Variants in ACACB observed in about 807,000 individuals in gnomAD.
ACACB encodes acetyl-CoA carboxylase beta, also known as acetyl-CoA carboxylase 2.
Under a neutral mutation model 278.8 loss-of-function variants are expected in ACACB, and 209 were observed. The ratio of observed to expected loss-of-function variants is 0.75; its 90% confidence interval spans 0.67 to 0.84. ACACB has a LOEUF of 0.84. Ranked by LOEUF, ACACB falls within the 40% of genes least tolerant of loss-of-function variation. The pLI, the probability that ACACB is intolerant of heterozygous loss-of-function variation, is 0.00. For synonymous variants in ACACB, 1,174 were observed against 1,285.6 expected, an observed-to-expected ratio of 0.91 and a Z score of 1.86; for missense variants, 2,850 against 3,269.0, an observed-to-expected ratio of 0.87 and a Z score of 3.13.
chr12:109,226,327 A>G (rs1483962079), intron 27 of ACACB, among the ~76,000 whole-genome samples: 2 of 152,194 alleles, frequency 1.3e-5, no homozygotes, highest in African/African-American at 4.8e-5. Flanking sequence ...TTTCTGTTGG[A>G]CAGCACTGCT....
chr12:109,146,634 C>T (rs1377229826), intron 2 of ACACB, among the ~76,000 whole-genome samples: 1 of 152,140 alleles, frequency 6.6e-6, no homozygotes, highest in Non-Finnish European at 1.5e-5. Context: ...CAAGGGACCC[C>T]GTGCTTGTTT....
At chr12:109,154,304 A>C (rs2043457333) in intron 2 of ACACB, among the ~76,000 whole-genome samples, 1 of 152,162 alleles carries the variant, frequency 6.6e-6, no homozygotes, top group Admixed American at 6.5e-5. Context: ...GATGAGAGAA[A>C]CCAGGACTTT....
intron 2 of ACACB, among the ~76,000 whole-genome samples, chr12:109,159,561 G>A (rs535719107): frequency 1.3e-5 from 2 of 152,288 alleles, no homozygotes; most frequent in East Asian, 1.9e-4. Flanking sequence ...GGTTATAAGC[G>A]GTAGATTCTG....
intron 19 of ACACB, 81 bp from the exon 20 acceptor site, chr12:109,206,629 T>C: frequency 6.6e-7 from 1 of 1,516,150 alleles, no homozygotes; most frequent in South Asian, 1.2e-5. Flanking sequence ...CCGGCAGATC[T>C]GTCCTGCCTC....
At chr12:109,112,227 ATATG>A (rs763452524), upstream of ACACB, among the ~76,000 whole-genome samples, 194 of 149,066 alleles carry the variant, frequency 1.3e-3, no homozygotes, top group Non-Finnish European at 2.3e-3. Context: ...TATTGAATAT[ATATG>A]TATATAAGTT....
chr12:109,217,906 A>G (rs184862530), intron 24 of ACACB, among the ~76,000 whole-genome samples: 5 of 152,354 alleles, frequency 3.3e-5, no homozygotes, highest in Admixed American at 1.3e-4. Context: ...AGTTTGTGCC[A>G]GGTACTCCTG....
chr12:109,146,778 G>T (rs2043252985), intron 2 of ACACB, among the ~76,000 whole-genome samples: 1 of 151,980 alleles, frequency 6.6e-6, no homozygotes, highest in Non-Finnish European at 1.5e-5. Flanking sequence ...GGGCTCAAGT[G>T]ATCCTCCCGT....
intron 10 of ACACB, among the ~76,000 whole-genome samples, chr12:109,179,641 C>T (rs543966574): frequency 6.6e-6 from 1 of 152,208 alleles, no homozygotes; most frequent in East Asian, 1.9e-4. Context: ...AACCTGTCAC[C>T]ATGTCTGGCT....
intron 45 of ACACB, among the ~76,000 whole-genome samples, chr12:109,257,840 G>A (rs1331296288): frequency 6.6e-6 from 1 of 152,188 alleles, no homozygotes; most frequent in East Asian, 1.9e-4. Context: ...CAAAGTGCTG[G>A]GATTACAGGC....
At position 109,135,526 on chromosome 12, in the gene ACACB, A is replaced by T. The variant is rs139844080; in HGVS notation, c.-9-3871A>T. 6.5e-3 allele frequency among the ~76,000 whole-genome samples: 980 copies of T among 151,866 alleles called. 5 individuals carry two copies. Among genetic ancestry groups the T allele is most frequent in the Non-Finnish European group, 0.011 (726 of 67,916 alleles). ...TTCACGAAAGCTTTTAATCTTGATGAAGTCCAATTTACCTATTTTTTCTTA... is the reference window on the plus strand; with the variant it reads ...TTCACGAAAGCTTTTAATCTTGATGTAGTCCAATTTACCTATTTTTTCTTA... On this transcript the variant is annotated intron_variant, in intron 1 of 52. Coordinates refer to ENST00000338432, the MANE Select transcript of ACACB (RefSeq NM_001093.4).
intron 25 of ACACB, 70 bp from the exon 26 acceptor site, chr12:109,222,729 C>G (rs984832029): frequency 3.2e-6 from 5 of 1,538,596 alleles, no homozygotes; most frequent in Admixed American, 3.4e-5. Flanking sequence ...GCTGCCGGCC[C>G]GTGCCCGAGC....
intron 11 of ACACB, among the ~76,000 whole-genome samples, chr12:109,181,030 G>T (rs2044448343): frequency 6.6e-6 from 1 of 151,886 alleles, no homozygotes; most frequent in Non-Finnish European, 1.5e-5. Context: ...GTGTCTGTGA[G>T]TTCCATTGTT....
At chr12:109,245,141 G>A (rs1468817224) in intron 37 of ACACB, among the ~76,000 whole-genome samples, 2 of 151,998 alleles carry the variant, frequency 1.3e-5, no homozygotes, top group Admixed American at 6.6e-5. Context: ...CTGAGATTGC[G>A]CCATTGCACT....
chr12:109,144,075 G>C (rs1408138697), intron 2 of ACACB, among the ~76,000 whole-genome samples: 1 of 152,148 alleles, frequency 6.6e-6, no homozygotes, highest in African/African-American at 2.4e-5. Flanking sequence ...TACTTTGGGA[G>C]GCTGAGGTGG....
At position 109,176,182 on chromosome 12, in the gene ACACB, G is replaced by T. The variant is rs1265560616; in HGVS notation, c.1356G>T (p.Met452Ile). Residue 452 changes from methionine (M) to isoleucine (I), a missense_variant, in exon 9 of 53, where the codon ATG becomes ATT. Transcript: ENST00000338432. ...EAAERIGFPL[M>I]IKASEGGGGK... The stretch of plus-strand genomic sequence containing the variant: ...CAGAAAGAATTGGTTTTCCATTGAT[G>T]ATCAAAGCTTCTGAAGGTGGCGGAG... 1 of 1,614,214 alleles carries T rather than the reference G, an allele frequency of 6.2e-7. No homozygotes were observed. The highest frequency in any genetic ancestry group is 1.1e-5 in the South Asian group (1 of 91,080).
At chr12:109,243,371 G>A (rs1422268734) in intron 37 of ACACB, among the ~76,000 whole-genome samples, 1 of 152,178 alleles carries the variant, frequency 6.6e-6, no homozygotes, top group African/African-American at 2.4e-5. Flanking sequence ...GGCTGAGGCA[G>A]GTGGATCATT....
intron 46 of ACACB, among the ~76,000 whole-genome samples, chr12:109,258,723 C>T (rs952472086): frequency 6.6e-6 from 1 of 152,168 alleles, no homozygotes; most frequent in Non-Finnish European, 1.5e-5. Context: ...CTCAGTGTGA[C>T]CTTGACGAGC....
At position 109,209,302 on chromosome 12, in the gene ACACB, C is replaced by G; in HGVS notation, c.3198C>G (p.Ala1066=). Residue 1066 remains alanine (A), a synonymous_variant, in exon 21 of 53, where the codon GCC becomes GCG. Transcript: ENST00000338432. The part of the protein sequence containing the change: ...PVEKSVRRVM[A]QYASNITSVL... The stretch of plus-strand genomic sequence containing the variant: ...AGAAGTCTGTCCGCAGGGTGATGGC[C>G]CAGTATGCCAGCAACATCACCTCGG... The G allele has an allele frequency of 6.2e-7, 1 of 1,612,666 alleles. No homozygotes were observed. The highest frequency in any genetic ancestry group is 8.5e-7 in the Non-Finnish European group (1 of 1,180,002).
intron 46 of ACACB, 55 bp downstream of exon 46, chr12:109,258,419 G>A: frequency 2.7e-6 from 4 of 1,478,514 alleles, no homozygotes; most frequent in Admixed American, 3.7e-5. Context: ...TGTCGAGAGT[G>A]GGTCCTGGGC....
Sources: allele counts gnomAD v4.1 joint callset (sites outside exome capture counted in the v4.1 genomes callset), GRCh38; gene constraint gnomAD v4.1.1; transcripts MANE v1.5; gene names NCBI Gene and HGNC (gene_info 2026-07-23, HGNC 2026-07-21).